Variants in PCDHGA7 observed in about 807,000 individuals in gnomAD.
PCDHGA7 encodes protocadherin gamma-A7.
A neutral mutation model predicts 58.3 loss-of-function variants in PCDHGA7; 44 were observed. The ratio of observed to expected loss-of-function variants is 0.75; its 90% CI spans 0.59 to 0.97. The LOEUF (loss-of-function observed/expected upper bound fraction) is 0.97. Ranked by LOEUF, PCDHGA7 falls within the 50% of genes least tolerant of loss-of-function variation. The probability of loss-of-function intolerance (pLI) is 0.00; values close to 1 mark genes in which losing one functional copy is unlikely to be tolerated. For synonymous variants in PCDHGA7, 516 were observed against 504.2 expected (o/e 1.02, Z -0.31); for missense variants, 1,266 against 1,188.7 (o/e 1.06, Z -0.96).
intron 1 of PCDHGA7, chr5:141,389,349 A>C: frequency 5.6e-6 from 9 of 1,613,980 alleles, no homozygotes; most frequent in Non-Finnish European, 7.6e-6. Flanking sequence ...CTCTTACTGC[A>C]TCATGGCCAG....
intron 1 of PCDHGA7, chr5:141,394,634 C>T (rs764703837): frequency 2.5e-6 from 4 of 1,613,328 alleles, no homozygotes; most frequent in Non-Finnish European, 1.7e-6. Flanking sequence ...TGTCCTACCG[C>T]CTGCTCAAGG....
Position 141,384,258 on chromosome 5 carries a change from C to T in PCDHGA7, c.1359C>T (p.Pro453=). 1 of 1,613,896 alleles carries T rather than the reference C, an allele frequency of 6.2e-7. No homozygotes were observed. The highest frequency in any genetic ancestry group is 8.5e-7 in the Non-Finnish European group (1 of 1,179,906). The change falls in exon 1 of 4, where the codon CCC becomes CCT. Residue 453 remains proline, a synonymous_variant. Coordinates refer to ENST00000518325, the MANE Select transcript of PCDHGA7 (RefSeq NM_018920.4). ...ADTNDNPPTF[P]HSSYSVYIAE... ...CCAACGATAACCCACCCACCTTCCC[C>T]CACTCATCCTACTCAGTCTACATCG...
At chr5:141,447,649 T>C (rs909020761) in intron 1 of PCDHGA7, among the ~76,000 whole-genome samples, 1 of 152,206 alleles carries the variant, frequency 6.6e-6, no homozygotes, top group Non-Finnish European at 1.5e-5. Context: ...TGGTAGAATT[T>C]TCCCCCCCAG....
In PCDHGA7 at chr5:141,487,476, A is replaced by G; in HGVS notation, c.2425-7331A>G. Reference sequence around the variant, plus strand: ...ATCAAGTTTGTTGATGTGGGAGGCCACTCTCATGGCTGTACACCCTTGGCT... The same window carrying G: ...ATCAAGTTTGTTGATGTGGGAGGCCGCTCTCATGGCTGTACACCCTTGGCT... On this transcript the variant is annotated intron_variant, in intron 1 of 3. Transcript: ENST00000518325. The surrounding 1 kb of genome is among the most constrained non-coding windows in gnomAD (Gnocchi z 5.0). The G allele has an allele frequency of 6.2e-7, 1 of 1,614,004 alleles. No homozygotes were observed. Among genetic ancestry groups the G allele is most frequent in the Non-Finnish European group, 8.5e-7 (1 of 1,180,002 alleles).
In PCDHGA7 at chr5:141,384,330, G is replaced by A. The variant is rs758151138; in HGVS notation, c.1431G>A (p.Gln477=). 44 of 1,613,830 alleles carry A rather than the reference G, an allele frequency of 2.7e-5. No individual in the cohort carries two copies. The African/African-American group carries it at 2.8e-4, about 10-fold the overall frequency. The change falls in exon 1 of 4, where the codon CAG becomes CAA. Residue 477 remains glutamine, a synonymous_variant. Coordinates refer to ENST00000518325, the MANE Select transcript of PCDHGA7 (RefSeq NM_018920.4). The part of the protein sequence containing the change: ...RGASIFLVTA[Q]DHDSEDNAQI... ...CCTCCATTTTCTTAGTGACTGCACA[G>A]GACCACGACAGTGAGGATAATGCCC...
In PCDHGA7 at chr5:141,489,183, G is replaced by A. The variant is rs2099683673; in HGVS notation, c.2425-5624G>A. 7.9e-7 allele frequency: 1 copy of A among 1,270,400 alleles called. No individual in the cohort carries two copies. Among genetic ancestry groups the A allele is most frequent in the Non-Finnish European group, 1.1e-6 (1 of 913,958 alleles). The allele number at this position is 1,270,400 out of a possible 1,614,324, so 78.7% of individuals were successfully genotyped here. A position where few individuals can be genotyped will look rare whatever the true frequency, so the allele number is the denominator to read the frequency against. ...TTCAGCTGCTGCATTCCAAGCCCTGGGTCTACCTTGGAGACAGGACAGCAC... is the reference window on the plus strand; with the variant it reads ...TTCAGCTGCTGCATTCCAAGCCCTGAGTCTACCTTGGAGACAGGACAGCAC... On this transcript the variant is annotated intron_variant, in intron 1 of 3. Transcript: ENST00000518325. The surrounding 1 kb of genome is among the most constrained non-coding windows in gnomAD (Gnocchi z 4.5).
At position 141,432,204 on chromosome 5, in the gene PCDHGA7, A is replaced by G. The variant is rs1204867610; in HGVS notation, c.2424+46881A>G. On this transcript the variant is annotated intron_variant, in intron 1 of 3. Coordinates refer to ENST00000518325, the MANE Select transcript of PCDHGA7 (RefSeq NM_018920.4). This position sits in a 1 kb window ranked among gnomAD's most constrained non-coding sequence, Gnocchi z 6.0. ...GTGACCGCCCACGACCCCGACTGTG[A>G]AGAGAACGCCCAGATCACTTATTCC... 1.9e-6 allele frequency: 3 copies of G among 1,614,070 alleles called. No homozygotes were observed. Among genetic ancestry groups the G allele is most frequent in the African/African-American group, 2.7e-5 (2 of 74,928 alleles).
intron 1 of PCDHGA7, chr5:141,388,052 C>T (rs777475213): frequency 7.2e-7 from 1 of 1,394,236 alleles, no homozygotes; most frequent in Non-Finnish European, 9.8e-7. Flanking sequence ...ACCTGGGGTT[C>T]AGCGTCCAGG....
chr5:141,384,252 C>T lies in PCDHGA7; in HGVS notation c.1353C>T (p.Thr451=), dbSNP rs377503121. ...QVADTNDNPP[T]FPHSSYSVYI... ...CAGACACCAACGATAACCCACCCAC[C>T]TTCCCCCACTCATCCTACTCAGTCT... is the stretch of plus-strand genomic sequence containing the variant. Residue 451 remains threonine, a synonymous_variant, in exon 1 of 4, where the codon ACC becomes ACT. Coordinates refer to ENST00000518325, the MANE Select transcript of PCDHGA7 (RefSeq NM_018920.4). 204 of 1,613,902 alleles carry T rather than the reference C, an allele frequency of 1.3e-4. 1 individual carries two copies. The highest frequency in any genetic ancestry group is 1.5e-4 in the Non-Finnish European group (179 of 1,179,886).
chr5:141,422,556 G>T, intron 1 of PCDHGA7: 1 of 1,613,908 alleles, frequency 6.2e-7, no homozygotes, highest in South Asian at 1.1e-5. Context: ...GGCTGAATGT[G>T]GCAGATGACA....
At chr5:141,507,349 A>G (rs537480798) in intron 3 of PCDHGA7, 1 of 152,236 alleles carries the variant, frequency 6.6e-6, no homozygotes, top group African/African-American at 2.4e-5. Flanking sequence ...CTGAAATTCA[A>G]ATTTAACTGG....
In PCDHGA7 at chr5:141,384,593, C is replaced by A. The variant is rs1449911634; in HGVS notation, c.1694C>A (p.Pro565Gln). 3 of 1,614,252 alleles carry A rather than the reference C, an allele frequency of 1.9e-6. No individual in the cohort carries two copies. The highest frequency in any genetic ancestry group is 1.1e-5 in the South Asian group (1 of 91,088). The change falls in exon 1 of 4, where the codon CCG (proline) becomes CAG (glutamine). Residue 565 changes from proline to glutamine, a missense_variant. By Grantham distance (76) the Pro-to-Gln change is moderately conservative. Coordinates refer to ENST00000518325, the MANE Select transcript of PCDHGA7 (RefSeq NM_018920.4). ...GACAACCCGCCCGAGATCCTGTACC[C>A]GGCCCTCCCCACAGATGGTTCTACT... ...QNDNPPEILY[P>Q]ALPTDGSTGM...
intron 1 of PCDHGA7, among the ~76,000 whole-genome samples, chr5:141,444,152 ATTTTTTTTTTTTTTTTTT>A (rs747671382): frequency 4.1e-4 from 14 of 33,898 alleles, no homozygotes; most frequent in South Asian, 2.1e-3. Flanking sequence ...TGTGTACTGG[ATTTTTTTTTTTTTTTTTT>A]TTTTTTTTTT....
chr5:141,423,067 G>A (rs757110751), intron 1 of PCDHGA7: 10 of 1,614,024 alleles, frequency 6.2e-6, no homozygotes, highest in South Asian at 5.5e-5. Context: ...TAAGGCCAGC[G>A]AGCCGGGACT....
Position 141,485,665 on chromosome 5 carries a change from C to G in PCDHGA7, c.2425-9142C>G. ...AGGCTCAGGATGCAGATGTGGGGAG[C>G]AATTCGATTAGCAGCTATAGGCTGA... On this transcript the variant is annotated intron_variant, in intron 1 of 3. Coordinates refer to ENST00000518325, the MANE Select transcript of PCDHGA7 (RefSeq NM_018920.4). This position sits in a 1 kb window ranked among gnomAD's most constrained non-coding sequence, Gnocchi z 5.7. 1 of 1,612,622 alleles carries G rather than the reference C, an allele frequency of 6.2e-7. No individual in the cohort carries two copies.
chr5:141,407,924 C>T, intron 1 of PCDHGA7: 2 of 482,212 alleles, frequency 4.1e-6, no homozygotes, highest in Non-Finnish European at 3.6e-6. Flanking sequence ...CTGTCCCGCA[C>T]GGAGCCTCTG....
chr5:141,510,251 C>G (rs569804850), intron 3 of PCDHGA7, among the ~76,000 whole-genome samples: 1 of 144,724 alleles, frequency 6.9e-6, no homozygotes, highest in African/African-American at 2.6e-5. Flanking sequence ...CCAGGCTGGG[C>G]GACAGAGCAG....
chr5:141,498,737 G>A (rs1176793634), intron 2 of PCDHGA7, among the ~76,000 whole-genome samples: 1 of 152,076 alleles, frequency 6.6e-6, no homozygotes, highest in African/African-American at 2.4e-5. Context: ...TTTGAGACCA[G>A]CCTGGCCAAC....
chr5:141,489,530 G>A lies in PCDHGA7; in HGVS notation c.2425-5277G>A. 6.2e-7 allele frequency: 1 copy of A among 1,614,092 alleles called. No homozygotes were observed. Among genetic ancestry groups the A allele is most frequent in the Non-Finnish European group, 8.5e-7 (1 of 1,180,022 alleles). On this transcript the variant is annotated intron_variant, in intron 1 of 3. Transcript: ENST00000518325. This position sits in a 1 kb window ranked among gnomAD's most constrained non-coding sequence, Gnocchi z 4.5. ...AAGATTGACCGAGAAAGCCTATGTGGAGCCAGCACCAGCTGCCTGCTGCCA... is the reference window on the plus strand; with the variant it reads ...AAGATTGACCGAGAAAGCCTATGTGAAGCCAGCACCAGCTGCCTGCTGCCA...
Sources: allele counts gnomAD v4.1 joint callset (sites outside exome capture counted in the v4.1 genomes callset), GRCh38; gene constraint gnomAD v4.1.1; non-coding constraint Gnocchi (gnomAD v3.1); transcripts MANE v1.5; gene names NCBI Gene and HGNC (gene_info 2026-07-23, HGNC 2026-07-21).